Variants in NAALADL2 observed in about 807,000 individuals in gnomAD.
NAALADL2 encodes inactive N-acetylated-alpha-linked acidic dipeptidase-like protein 2.
NAALADL2 carries 76 observed loss-of-function variants against 87.2 expected under a neutral mutation model. That is an observed-to-expected ratio of 0.87 (90% CI 0.72 to 1.05). NAALADL2 has a LOEUF of 1.05. NAALADL2 is among the 50% of genes least tolerant of loss of function. The pLI is 0.00. For missense variants in NAALADL2, 1,089 were observed against 945.8 expected, an observed-to-expected ratio of 1.15 and a Z score of -1.99; for synonymous variants, 354 against 331.0, an observed-to-expected ratio of 1.07 and a Z score of -0.75.
chr3:175,105,466 C>T (rs777253296), intron 2 of NAALADL2, among the ~76,000 whole-genome samples: 1 of 148,888 alleles, frequency 6.7e-6, no homozygotes, highest in Non-Finnish European at 1.5e-5. Flanking sequence ...ATATGATTCA[C>T]ATATATATAA....
chr3:175,658,775 ATAT>A (rs969631315), intron 11 of NAALADL2, among the ~76,000 whole-genome samples: 7 of 152,182 alleles, frequency 4.6e-5, no homozygotes, highest in African/African-American at 1.7e-4. Flanking sequence ...ACTGAACAAA[ATAT>A]TATTATTATC....
intron 1 of NAALADL2, among the ~76,000 whole-genome samples, chr3:174,970,249 T>A (rs1743443644): frequency 6.6e-6 from 1 of 152,152 alleles, no homozygotes; most frequent in Admixed American, 6.6e-5. Flanking sequence ...TACATTTCAA[T>A]GCACTTGGAA....
intron 3 of NAALADL2, among the ~76,000 whole-genome samples, chr3:174,824,039 G>T (rs1420424894): frequency 6.6e-6 from 1 of 151,956 alleles, no homozygotes; most frequent in Non-Finnish European, 1.5e-5. Context: ...TATTATTCTT[G>T]GGAATTAAGG....
chr3:175,389,175 A>T (rs918105976), intron 5 of NAALADL2, among the ~76,000 whole-genome samples: 3 of 152,166 alleles, frequency 2.0e-5, no homozygotes, highest in African/African-American at 7.2e-5. Flanking sequence ...TAAATTACTA[A>T]AATTAAAGAC....
At chr3:174,543,458 G>T (rs1293303756) in intron 1 of NAALADL2, among the ~76,000 whole-genome samples, 2 of 152,078 alleles carry the variant, frequency 1.3e-5, no homozygotes, top group African/African-American at 4.8e-5. Flanking sequence ...AAATTACTTT[G>T]ATTACCTCTT....
intron 2 of NAALADL2, among the ~76,000 whole-genome samples, chr3:175,210,130 A>G (rs1486693571): frequency 6.6e-6 from 1 of 151,878 alleles, no homozygotes; most frequent in Non-Finnish European, 1.5e-5. Flanking sequence ...AAAGCCAAAC[A>G]AGCAAACTAA....
intron 2 of NAALADL2, among the ~76,000 whole-genome samples, chr3:175,213,254 C>A (rs562066968): frequency 6.6e-6 from 1 of 152,014 alleles, no homozygotes; most frequent in Non-Finnish European, 1.5e-5. Flanking sequence ...ATCAGATTAG[C>A]AATGAAAATA....
At chr3:175,470,737 T>G (rs756746597) in intron 8 of NAALADL2, among the ~76,000 whole-genome samples, 6 of 151,930 alleles carry the variant, frequency 3.9e-5, no homozygotes, top group Non-Finnish European at 7.4e-5. Context: ...GGATCAGTGG[T>G]GTTCAATTTT....
At chr3:174,455,941 T>C (rs981885026) in intron 1 of NAALADL2, among the ~76,000 whole-genome samples, 1 of 152,026 alleles carries the variant, frequency 6.6e-6, no homozygotes, top group African/African-American at 2.4e-5. Flanking sequence ...GTGCAGACAT[T>C]ATTCAATATG....
intron 5 of NAALADL2, among the ~76,000 whole-genome samples, chr3:175,433,070 C>T (rs1446444660): frequency 1.3e-5 from 2 of 152,006 alleles, no homozygotes; most frequent in East Asian, 3.9e-4. Flanking sequence ...AGTCATGAAG[C>T]TGTATGTTTG....
chr3:175,160,368 T>TTC lies in NAALADL2; in HGVS notation c.545+63078_545+63079insCT, dbSNP rs1388614740. Among the ~76,000 whole-genome samples, 52 of 122,356 alleles carry TTC rather than the reference T, an allele frequency of 4.2e-4. 1 individual carries two copies. The highest frequency in any genetic ancestry group is 1.2e-4 in the Non-Finnish European group (7 of 59,162). The allele number at this position is 122,356 out of a possible 152,430, so 80.3% of individuals were successfully genotyped here. On this transcript the variant is annotated intron_variant, in intron 2 of 13. Coordinates refer to ENST00000454872, the MANE Select transcript of NAALADL2 (RefSeq NM_207015.3). ...ATGTGTATCTTTTCTTTCTTTTTTTTTTTTTTTTTTTTTTTTTTTTGAGTT... is the reference window on the plus strand; with the variant it reads ...ATGTGTATCTTTTCTTTCTTTTTTTTTCTTTTTTTTTTTTTTTTTTTTGAGTT...
intron 1 of NAALADL2, among the ~76,000 whole-genome samples, chr3:175,050,597 TG>T (rs1362926869): frequency 2.6e-5 from 4 of 152,212 alleles, no homozygotes; most frequent in African/African-American, 9.6e-5. Context: ...AATTCACTCA[TG>T]GGAAAACTGG....
chr3:175,720,855 T>C (rs1448520621), intron 11 of NAALADL2, among the ~76,000 whole-genome samples: 1 of 152,124 alleles, frequency 6.6e-6, no homozygotes, highest in Non-Finnish European at 1.5e-5. Flanking sequence ...AATAAAGATA[T>C]TTTAGAAAAA....
At chr3:175,639,710 TA>T (rs963532501) in intron 11 of NAALADL2, among the ~76,000 whole-genome samples, 4 of 152,154 alleles carry the variant, frequency 2.6e-5, no homozygotes, top group Non-Finnish European at 4.4e-5. Flanking sequence ...TTTTTTATTT[TA>T]AAAAAATCAC....
chr3:175,600,199 A>G (rs1226597461), intron 10 of NAALADL2, among the ~76,000 whole-genome samples: 2 of 151,942 alleles, frequency 1.3e-5, no homozygotes, highest in African/African-American at 2.4e-5. Flanking sequence ...TCTAACATAT[A>G]TATGTATATA....
At chr3:174,815,167 G>C (rs1456051814) in intron 3 of NAALADL2, among the ~76,000 whole-genome samples, 1 of 152,128 alleles carries the variant, frequency 6.6e-6, no homozygotes, top group Non-Finnish European at 1.5e-5. Context: ...CAAGGATGAA[G>C]TTTTGATGAT....
At chr3:174,569,247 A>G (rs571653344) in intron 2 of NAALADL2, among the ~76,000 whole-genome samples, 4 of 152,016 alleles carry the variant, frequency 2.6e-5, no homozygotes, top group Non-Finnish European at 5.9e-5. Context: ...TCTATAAGAA[A>G]TAATGCTTTT....
intron 2 of NAALADL2, among the ~76,000 whole-genome samples, chr3:174,688,009 A>G (rs1489158382): frequency 6.6e-6 from 1 of 152,132 alleles, no homozygotes; most frequent in Non-Finnish European, 1.5e-5. Context: ...TAAATTACCC[A>G]GTCTTAGGTA....
intron 1 of NAALADL2, among the ~76,000 whole-genome samples, chr3:174,530,558 C>T (rs1195064941): frequency 1.3e-5 from 2 of 152,148 alleles, no homozygotes; most frequent in African/African-American, 2.4e-5. Context: ...GGGCAATTTA[C>T]AAAAGAAAGA....
Sources: gnomAD v4.1 joint callset for allele counts (sites outside exome capture counted in the v4.1 genomes callset) on GRCh38, gnomAD v4.1.1 for gene constraint, MANE v1.5 for transcripts, NCBI Gene and HGNC (gene_info 2026-07-23, HGNC 2026-07-21) for gene names.